SGCZ: variants seen among roughly 807,000 people sequenced by gnomAD.
The protein encoded by SGCZ is sarcoglycan zeta, also known as zeta-sarcoglycan.
Under a neutral mutation model 41.3 loss-of-function variants are expected in SGCZ, and 40 were observed. The observed-to-expected ratio is 0.97, with a 90% CI of 0.75 to 1.26. SGCZ has a LOEUF of 1.26. Ranked by LOEUF, SGCZ falls within the 50% of genes most tolerant of loss-of-function variation. The probability of loss-of-function intolerance (pLI) is 0.00; values close to 1 mark genes in which losing one functional copy is unlikely to be tolerated. For missense variants in SGCZ, 552 were observed against 369.8 expected (o/e 1.49, Z -4.04); for synonymous variants, 206 against 137.5 (o/e 1.50, Z -3.49).
intron 1 of SGCZ, among the ~76,000 whole-genome samples, chr8:14,984,269 A>T (rs1801759893): frequency 6.6e-6 from 1 of 152,208 alleles, no homozygotes; most frequent in Admixed American, 6.5e-5. Context: ...TTTCAGTATG[A>T]AATAGTGGCA....
intron 1 of SGCZ, among the ~76,000 whole-genome samples, chr8:15,002,151 A>G (rs912475097): frequency 2.6e-5 from 4 of 152,104 alleles, no homozygotes; most frequent in East Asian, 3.9e-4. Flanking sequence ...CAGCATAACC[A>G]TAAATATTAT....
intron 3 of SGCZ, among the ~76,000 whole-genome samples, chr8:14,271,979 A>C (rs537660284): frequency 1.3e-5 from 2 of 152,170 alleles, no homozygotes; most frequent in East Asian, 3.9e-4. Flanking sequence ...CATATATTGC[A>C]TGCTTTCATT....
At chr8:15,175,050 C>T (rs1799955918) in intron 1 of SGCZ, among the ~76,000 whole-genome samples, 1 of 127,212 alleles carries the variant, frequency 7.9e-6, no homozygotes, top group African/African-American at 2.6e-5. Flanking sequence ...ACCACCATAC[C>T]ACATGTATAC....
intron 1 of SGCZ, among the ~76,000 whole-genome samples, chr8:14,570,113 C>T (rs1163614249): frequency 6.6e-6 from 1 of 152,078 alleles, no homozygotes; most frequent in Non-Finnish European, 1.5e-5. Flanking sequence ...TCTGTCACGT[C>T]CATTAGAATA....
At chr8:14,975,231 G>A (rs1031984115) in intron 1 of SGCZ, among the ~76,000 whole-genome samples, 3 of 152,172 alleles carry the variant, frequency 2.0e-5, no homozygotes, top group East Asian at 3.9e-4. Context: ...ATTTGAACCC[G>A]GGAGGCAGAA....
chr8:14,545,141 C>G (rs547492401), intron 2 of SGCZ, among the ~76,000 whole-genome samples: 3 of 152,134 alleles, frequency 2.0e-5, no homozygotes, highest in South Asian at 4.2e-4. Flanking sequence ...TAGAAAGAAC[C>G]TACATTGAAA....
At chr8:14,680,150 C>A (rs576932810) in intron 1 of SGCZ, among the ~76,000 whole-genome samples, 2 of 151,956 alleles carry the variant, frequency 1.3e-5, no homozygotes, top group African/African-American at 4.8e-5. Flanking sequence ...GAAAGTGCAA[C>A]GTTATGGAGA....
chr8:14,531,448 C>CTT (rs1803128017), intron 2 of SGCZ, among the ~76,000 whole-genome samples: 1 of 151,998 alleles, frequency 6.6e-6, no homozygotes, highest in African/African-American at 2.4e-5. Flanking sequence ...CTCCCGCTTG[C>CTT]TGAGCTACCA....
intron 1 of SGCZ, among the ~76,000 whole-genome samples, chr8:14,726,312 ATATATATATATC>A (rs1192893655): frequency 7.4e-5 from 4 of 54,338 alleles, no homozygotes; most frequent in Non-Finnish European, 1.9e-4. Flanking sequence ...GTGTAAATAC[ATATATATATATC>A]TATATATATA....
chr8:14,161,444 T>A (rs1256448479), intron 5 of SGCZ: 1 of 152,168 alleles, frequency 6.6e-6, no homozygotes, highest in Non-Finnish European at 1.5e-5. Flanking sequence ...TGGGCTCTTC[T>A]AAGAGACACA....
At chr8:14,893,619 G>A (rs886441280) in intron 1 of SGCZ, among the ~76,000 whole-genome samples, 1 of 152,066 alleles carries the variant, frequency 6.6e-6, no homozygotes, top group African/African-American at 2.4e-5. Flanking sequence ...TTCTCATAAA[G>A]CTTTATAAAT....
At chr8:14,590,519 T>C (rs1805206506) in intron 1 of SGCZ, among the ~76,000 whole-genome samples, 2 of 151,180 alleles carry the variant, frequency 1.3e-5, no homozygotes, top group Non-Finnish European at 3.0e-5. Flanking sequence ...TAAAATTATG[T>C]TTTTTATTAT....
At chr8:14,587,333 G>T (rs950057901) in intron 1 of SGCZ, among the ~76,000 whole-genome samples, 1 of 150,230 alleles carries the variant, frequency 6.7e-6, no homozygotes, top group African/African-American at 2.5e-5. Context: ...TGCGTTCCAC[G>T]AATGTGTTAA....
chr8:14,281,586 T>C lies in SGCZ; in HGVS notation c.336+42517A>G, dbSNP rs1800442001. On this transcript the variant is annotated intron_variant, in intron 3 of 7. Coordinates refer to ENST00000382080, the MANE Select transcript of SGCZ (RefSeq NM_139167.4). ...GGCCTCCAATTTATAGACCATCTAG[T>C]GATAAAATCTAAACTAAGAACTTAC... 2.0e-5 allele frequency among the ~76,000 whole-genome samples: 3 copies of C among 152,040 alleles called. No individual in the cohort carries two copies. The South Asian group carries it at 6.2e-4, about 31-fold the overall frequency.
chr8:14,104,539 C>T (rs1802142328), intron 6 of SGCZ, among the ~76,000 whole-genome samples: 2 of 151,920 alleles, frequency 1.3e-5, no homozygotes, highest in Non-Finnish European at 2.9e-5. Flanking sequence ...AAATATTAAG[C>T]AGAACTTAAG....
At chr8:14,759,345 C>CA (rs5889548) in intron 1 of SGCZ, among the ~76,000 whole-genome samples, 6,655 of 149,706 alleles carry the variant, frequency 0.044, 266 homozygotes, top group African/African-American at 0.087. Context: ...TTAGCCTCAA[C>CA]AAAAAAAAAA....
chr8:14,113,104 C>CAACCT (rs1323025436), intron 5 of SGCZ, among the ~76,000 whole-genome samples: 1 of 152,022 alleles, frequency 6.6e-6, no homozygotes, highest in Non-Finnish European at 1.5e-5. Flanking sequence ...CCACAAAATA[C>CAACCT]AACCTATACA....
At chr8:14,992,654 C>T (rs1482209421) in intron 1 of SGCZ, among the ~76,000 whole-genome samples, 2 of 144,510 alleles carry the variant, frequency 1.4e-5, no homozygotes, top group Non-Finnish European at 3.0e-5. Context: ...CCATCCTCCT[C>T]GTTCAATCTA....
intron 1 of SGCZ, among the ~76,000 whole-genome samples, chr8:14,953,735 T>C (rs1263248353): frequency 3.3e-5 from 5 of 152,188 alleles, no homozygotes; most frequent in African/African-American, 1.2e-4. Flanking sequence ...GCCTCTAGCA[T>C]GATGTGTTTA....
Sources: gnomAD v4.1 joint callset for allele counts (sites outside exome capture counted in the v4.1 genomes callset) on GRCh38, gnomAD v4.1.1 for gene constraint, MANE v1.5 for transcripts, NCBI Gene and HGNC (gene_info 2026-07-23, HGNC 2026-07-21) for gene names.